The following TXNRD1 variants were observed in gnomAD, a reference collection of about 807,000 sequenced individuals.
The protein encoded by TXNRD1 is thioredoxin reductase 1.
TXNRD1 carries 57 observed loss-of-function variants against 80.3 expected under a neutral mutation model. The ratio of observed to expected loss-of-function variants is 0.71; its 90% CI spans 0.57 to 0.89. The LOEUF is 0.89. Ranked by LOEUF, TXNRD1 falls within the 40% of genes least tolerant of loss-of-function variation. The pLI, the probability that TXNRD1 is intolerant of heterozygous loss-of-function variation, is 0.00. For synonymous variants in TXNRD1, 291 were observed against 285.2 expected, an observed-to-expected ratio of 1.02 and a Z score of -0.20; for missense variants, 730 against 803.0, an observed-to-expected ratio of 0.91 and a Z score of 1.10.
At chr12:104,319,697 A>T in intron 9 of TXNRD1, 112 bp downstream of exon 9, 2 of 780,922 alleles carry the variant, frequency 2.6e-6, no homozygotes, top group Non-Finnish European at 4.3e-6. Context: ...TTTCTTTGCC[A>T]CATTGTGCCC....
At chr12:104,311,515 C>A in intron 5 of TXNRD1, 103 bp downstream of exon 5, 2 of 1,426,700 alleles carry the variant, frequency 1.4e-6, no homozygotes, top group Non-Finnish European at 1.9e-6. Flanking sequence ...TTATTTGATC[C>A]ACTCCTGTGA....
chr12:104,306,892 C>A (rs2034938277), intron 4 of TXNRD1, among the ~76,000 whole-genome samples: 1 of 152,228 alleles, frequency 6.6e-6, no homozygotes, highest in East Asian at 1.9e-4. Flanking sequence ...GCAAAAAGAT[C>A]CCGCCCCAGT....
At chr12:104,320,667 C>CTAG in intron 9 of TXNRD1, among the ~76,000 whole-genome samples, 1 of 151,368 alleles carries the variant, frequency 6.6e-6, no homozygotes, top group East Asian at 1.9e-4. Context: ...TTTCTGCATC[C>CTAG]TAGTCCACAT....
intron 7 of TXNRD1, 138 bp from the exon 8 acceptor site, chr12:104,318,775 G>C: frequency 2.7e-6 from 2 of 736,230 alleles, no homozygotes; most frequent in Non-Finnish European, 2.1e-6. Flanking sequence ...TGGCATATGT[G>C]CTCAAAATGG....
chr12:104,228,727 C>CT lies in TXNRD1; in HGVS notation c.91+12844dup, dbSNP rs1048189148. Among the ~76,000 whole-genome samples, 211 of 149,672 alleles carry CT rather than the reference C, an allele frequency of 1.4e-3. 1 individual carries two copies. Among genetic ancestry groups the CT allele is most frequent in the African/African-American group, 4.5e-3 (185 of 40,944 alleles). Reference sequence around the variant, plus strand: ...ATTGAATTTGAGAACATTTTCTTTTCTTTTTTTTTTGAGACGGAGTCTCGC... The same window carrying CT: ...ATTGAATTTGAGAACATTTTCTTTTCTTTTTTTTTTTGAGACGGAGTCTCGC... On this transcript the variant is annotated intron_variant, in intron 1 of 16. Coordinates refer to ENST00000525566, the MANE Select transcript of TXNRD1 (RefSeq NM_001093771.3).
At chr12:104,228,301 CAAAAA>C (rs11349965) in intron 1 of TXNRD1, among the ~76,000 whole-genome samples, 1 of 116,344 alleles carries the variant, frequency 8.6e-6, no homozygotes, top group African/African-American at 3.3e-5. Flanking sequence ...AACTCCATCT[CAAAAA>C]AAAAAAAAAA....
At chr12:104,265,586 T>G in intron 3 of TXNRD1, 1 of 1,608,094 alleles carries the variant, frequency 6.2e-7, no homozygotes, top group East Asian at 2.2e-5. Context: ...ACCCACAACA[T>G]GTACCGGGAA....
intron 5 of TXNRD1, among the ~76,000 whole-genome samples, chr12:104,311,615 A>G (rs191795784): frequency 1.3e-5 from 2 of 152,338 alleles, no homozygotes; most frequent in East Asian, 3.9e-4. Flanking sequence ...CATTCCTTAT[A>G]TTAAAGTATA....
chr12:104,290,458 G>A (rs1018254197), intron 4 of TXNRD1, among the ~76,000 whole-genome samples: 5 of 151,752 alleles, frequency 3.3e-5, no homozygotes, highest in African/African-American at 4.8e-5. Flanking sequence ...TTGGGAGGCC[G>A]AGGCAGGCGG....
In TXNRD1 at chr12:104,339,202, G is replaced by A. The variant is rs1225092786; in HGVS notation, c.1810G>A (p.Ala604Thr). The A allele has an allele frequency of 6.2e-7, 1 of 1,613,854 alleles. No homozygotes were observed. The highest frequency in any genetic ancestry group is 8.5e-7 in the Non-Finnish European group (1 of 1,179,882). The change falls in exon 16 of 17, where the codon GCT becomes ACT. Residue 604 changes from alanine to threonine, a missense_variant. Transcript: ENST00000525566. ...TGGAGAAGTTACACAAGGCTTTGCA[G>A]CTGCGCTCAAATGTGGACTGACCAA... ...NAGEVTQGFAAALKCGLTKKQ... is the reference protein window; with the variant it reads ...NAGEVTQGFATALKCGLTKKQ...
At chr12:104,283,453 T>C (rs932779928) in intron 3 of TXNRD1, among the ~76,000 whole-genome samples, 1 of 151,762 alleles carries the variant, frequency 6.6e-6, no homozygotes, top group Non-Finnish European at 1.5e-5. Flanking sequence ...GGTTTCACCA[T>C]GTTGGCCAGG....
intron 3 of TXNRD1, among the ~76,000 whole-genome samples, chr12:104,266,502 G>T (rs1363225909): frequency 2.2e-5 from 3 of 138,246 alleles, no homozygotes; most frequent in Non-Finnish European, 4.6e-5. Flanking sequence ...CTCCAGTCTG[G>T]TGACAGAGCG....
In TXNRD1 at chr12:104,260,704, C is replaced by A. The variant is rs546783314; in HGVS notation, c.304+2625C>A. 7.9e-5 allele frequency among the ~76,000 whole-genome samples: 12 copies of A among 152,244 alleles called. No homozygotes were observed. The South Asian group carries it at 2.5e-3, about 32-fold the overall frequency. ...AAGGTAATCTCAATAAATAAAATTTCTTCTGGGTCCAAAAGTAGCCTTTTA... is the reference window on the plus strand; with the variant it reads ...AAGGTAATCTCAATAAATAAAATTTATTCTGGGTCCAAAAGTAGCCTTTTA... On this transcript the variant is annotated intron_variant, in intron 3 of 16. Coordinates refer to ENST00000525566, the MANE Select transcript of TXNRD1 (RefSeq NM_001093771.3).
Position 104,335,491 on chromosome 12 carries a change from C to T in TXNRD1, c.1746+1159C>T, listed in dbSNP as rs35846028. ...CTGGGATTACAGGTGTGAGCCACCGCGCCCGGCCTATTACAGTACTTTTTT... is the reference window on the plus strand; with the variant it reads ...CTGGGATTACAGGTGTGAGCCACCGTGCCCGGCCTATTACAGTACTTTTTT... On this transcript the variant is annotated intron_variant, in intron 15 of 16. Coordinates refer to ENST00000525566, the MANE Select transcript of TXNRD1 (RefSeq NM_001093771.3). Among the ~76,000 whole-genome samples the T allele has an allele frequency of 4.7e-4, 72 of 152,232 alleles. 1 individual carries two copies. Among genetic ancestry groups the T allele is most frequent in the African/African-American group, 1.7e-3 (70 of 41,534 alleles).
intron 4 of TXNRD1, among the ~76,000 whole-genome samples, chr12:104,292,092 T>A (rs977028132): frequency 6.6e-6 from 1 of 152,230 alleles, no homozygotes; most frequent in African/African-American, 2.4e-5. Flanking sequence ...CTTTTAATAT[T>A]GTTTCTTCCT....
intron 2 of TXNRD1, among the ~76,000 whole-genome samples, chr12:104,253,807 C>A (rs2033183003): frequency 6.6e-6 from 1 of 152,084 alleles, no homozygotes; most frequent in South Asian, 2.1e-4. Flanking sequence ...ATTCTCCTGC[C>A]TCAGCCTCCC....
chr12:104,341,461 A>G (rs900887238), intron 16 of TXNRD1, among the ~76,000 whole-genome samples: 1 of 152,178 alleles, frequency 6.6e-6, no homozygotes, highest in Non-Finnish European at 1.5e-5. Context: ...GTGCCAGTTA[A>G]CAATTCTGCC....
At chr12:104,255,963 T>A (rs1386494278) in intron 2 of TXNRD1, among the ~76,000 whole-genome samples, 1 of 152,238 alleles carries the variant, frequency 6.6e-6, no homozygotes, top group East Asian at 1.9e-4. Flanking sequence ...TCGATGTCTT[T>A]GGCCATGAAA....
intron 13 of TXNRD1, among the ~76,000 whole-genome samples, chr12:104,330,849 A>C (rs555317252): frequency 6.6e-6 from 1 of 152,094 alleles, no homozygotes; most frequent in East Asian, 1.9e-4. Flanking sequence ...CAGCCTCCCA[A>C]AGTGCTCGGA....
Sources: allele counts gnomAD v4.1 joint callset (sites outside exome capture counted in the v4.1 genomes callset), GRCh38; gene constraint gnomAD v4.1.1; transcripts MANE v1.5; gene names NCBI Gene and HGNC (gene_info 2026-07-23, HGNC 2026-07-21).